Variants in CBR4 observed in about 807,000 individuals in gnomAD.
CBR4 encodes 3-oxoacyl-[acyl-carrier-protein] reductase.
Under a neutral mutation model 21.0 loss-of-function variants are expected in CBR4, and 22 were observed. That is an observed-to-expected ratio of 1.05 (90% CI 0.75 to 1.50). The LOEUF (loss-of-function observed/expected upper bound fraction) is 1.50, where lower values mean the gene tolerates loss of function less well. CBR4 is among the 40% of genes most tolerant of loss of function. CBR4 has a pLI of 0.00. For synonymous variants in CBR4, 100 were observed against 104.4 expected, an observed-to-expected ratio of 0.96 and a Z score of 0.26; for missense variants, 302 against 286.3, an observed-to-expected ratio of 1.05 and a Z score of -0.40.
chr4:168,955,282 A>T (rs1763652219), intron 2 of CBR4, among the ~76,000 whole-genome samples: 1 of 152,228 alleles, frequency 6.6e-6, no homozygotes, highest in African/African-American at 2.4e-5. Flanking sequence ...GAAATATGAT[A>T]AATTATAAAT....
At chr4:168,915,167 C>A (rs1054412528) in intron 2 of CBR4, among the ~76,000 whole-genome samples, 1 of 152,140 alleles carries the variant, frequency 6.6e-6, no homozygotes, top group African/African-American at 2.4e-5. Context: ...TAGTATGCTT[C>A]TTTCATTTGT....
chr4:168,959,561 C>CTTT (rs750848079), intron 2 of CBR4, among the ~76,000 whole-genome samples: 6 of 50,870 alleles, frequency 1.2e-4, no homozygotes, highest in Admixed American at 2.1e-4. Context: ...TTATCAATTT[C>CTTT]TTTTTTTTTT....
At chr4:168,904,994 G>T (rs1757332593) in intron 2 of CBR4, among the ~76,000 whole-genome samples, 1 of 151,882 alleles carries the variant, frequency 6.6e-6, no homozygotes, top group Admixed American at 6.6e-5. Context: ...AGGTGTGGTG[G>T]TAGGCACCTG....
intron 2 of CBR4, chr4:168,927,001 A>T (rs1560943118): frequency 9.1e-6 from 2 of 218,904 alleles, no homozygotes; most frequent in Admixed American, 5.8e-5. Context: ...AGTTCTTAAC[A>T]TTTTTTTTCT....
At chr4:168,951,203 C>T (rs748628743) in intron 2 of CBR4, among the ~76,000 whole-genome samples, 7 of 152,110 alleles carry the variant, frequency 4.6e-5, no homozygotes, top group Non-Finnish European at 1.0e-4. Context: ...GGATTACAGG[C>T]ACCCACCACC....
intron 2 of CBR4, among the ~76,000 whole-genome samples, chr4:168,957,876 A>G (rs944073019): frequency 3.9e-5 from 6 of 152,064 alleles, no homozygotes; most frequent in Non-Finnish European, 8.8e-5. Flanking sequence ...GTGAGTTCTC[A>G]CGAGATCTGA....
chr4:168,948,225 G>C (rs1201935335), intron 2 of CBR4, among the ~76,000 whole-genome samples: 4 of 152,172 alleles, frequency 2.6e-5, no homozygotes, highest in Non-Finnish European at 4.4e-5. Context: ...TGATGGGACT[G>C]TTTGTTTTTA....
chr4:168,981,556 TAACTC>T (rs1324073533), intron 2 of CBR4, among the ~76,000 whole-genome samples: 1 of 152,118 alleles, frequency 6.6e-6, no homozygotes, highest in Non-Finnish European at 1.5e-5. Flanking sequence ...TTCTTCAAAT[TAACTC>T]AGTCAGATAA....
chr4:168,908,115 G>A (rs990313319), intron 2 of CBR4, among the ~76,000 whole-genome samples: 2 of 152,176 alleles, frequency 1.3e-5, no homozygotes, highest in Non-Finnish European at 2.9e-5. Flanking sequence ...AGTAGTATTT[G>A]TTCCAAGTTT....
At chr4:168,979,060 A>G (rs1764460050) in intron 2 of CBR4, among the ~76,000 whole-genome samples, 1 of 151,726 alleles carries the variant, frequency 6.6e-6, no homozygotes, top group African/African-American at 2.4e-5. Context: ...ACAGCATAGC[A>G]TGCCTTGCAG....
chr4:169,006,897 AAAAG>A lies in CBR4; in HGVS notation c.264-10_264-7del, dbSNP rs1273167908. 1 of 1,608,618 alleles carries A rather than the reference AAAAG, an allele frequency of 6.2e-7. No homozygotes were observed. Among genetic ancestry groups the A allele is most frequent in the East Asian group, 2.2e-5 (1 of 44,826 alleles). ...TTCTTACTAAAAGACCATCCCTACA[AAAAG>A]AAACAGCATATAATAGCATATAATA... On this transcript the variant is annotated splice_region_variant and splice_polypyrimidine_tract_variant and intron_variant, in intron 2 of 4. Coordinates refer to ENST00000306193, the MANE Select transcript of CBR4 (RefSeq NM_032783.5).
chr4:168,990,020 G>A lies in CBR4; in HGVS notation c.*130C>T. ...TTCTTTTGAGACATATTTTTATAAA[G>A]ACAGAAATTAACATTTGTAGCATCA... On this transcript the variant is annotated 3_prime_UTR_variant, in exon 5 of 5. Coordinates refer to ENST00000306193, the MANE Select transcript of CBR4 (RefSeq NM_032783.5). The A allele has an allele frequency of 1.6e-6, 2 of 1,274,412 alleles. No homozygotes were observed. Among genetic ancestry groups the A allele is most frequent in the Non-Finnish European group, 1.0e-6 (1 of 1,002,820 alleles). 78.9% of individuals were successfully genotyped at this position (1,274,412 alleles called of 1,614,324 possible).
intron 4 of CBR4, among the ~76,000 whole-genome samples, chr4:169,000,720 A>C (rs1049850460): frequency 6.6e-6 from 1 of 152,246 alleles, no homozygotes; most frequent in Admixed American, 6.5e-5. Flanking sequence ...TCAAAAACCA[A>C]GTAAATACCT....
chr4:168,903,680 C>A (rs192019908), intron 2 of CBR4: 19 of 1,200,652 alleles, frequency 1.6e-5, no homozygotes, highest in Non-Finnish European at 2.2e-5. Context: ...GCAAACCACA[C>A]TGTTACTATT....
chr4:168,911,084 C>T (rs1758854464), intron 2 of CBR4, among the ~76,000 whole-genome samples: 1 of 152,142 alleles, frequency 6.6e-6, no homozygotes, highest in African/African-American at 2.4e-5. Context: ...TTTATGAGAG[C>T]ATTTAGGTTA....
chr4:168,898,149 A>G (rs1755655276), intron 2 of CBR4: 1 of 331,692 alleles, frequency 3.0e-6, no homozygotes, highest in South Asian at 2.9e-5. Flanking sequence ...GCGTTCCATT[A>G]TATTTTATTG....
chr4:168,946,379 G>C (rs1763396886), intron 2 of CBR4, among the ~76,000 whole-genome samples: 1 of 152,180 alleles, frequency 6.6e-6, no homozygotes, highest in Admixed American at 6.5e-5. Context: ...CTCAGAGCCT[G>C]AGCAAGGTCA....
chr4:168,938,878 C>T (rs1763183753), intron 2 of CBR4, among the ~76,000 whole-genome samples: 1 of 152,204 alleles, frequency 6.6e-6, no homozygotes, highest in African/African-American at 2.4e-5. Context: ...CAAAGAAGAA[C>T]TGGTACCATT....
At chr4:168,912,061 T>A (rs1759079405) in intron 2 of CBR4, among the ~76,000 whole-genome samples, 1 of 151,984 alleles carries the variant, frequency 6.6e-6, no homozygotes, top group Admixed American at 6.6e-5. Context: ...CCAGTTAGAG[T>A]CCTGCCCTTC....
Sources: allele counts gnomAD v4.1 joint callset (sites outside exome capture counted in the v4.1 genomes callset), GRCh38; gene constraint gnomAD v4.1.1; transcripts MANE v1.5; gene names NCBI Gene and HGNC (gene_info 2026-07-23, HGNC 2026-07-21).